Variants in RRH observed in about 807,000 individuals in gnomAD.
The protein encoded by RRH is retinal pigment epithelium-derived rhodopsin homolog.
RRH carries 36 observed loss-of-function variants against 33.1 expected under a neutral mutation model. The observed-to-expected ratio is 1.09, with a 90% CI of 0.83 to 1.44. The LOEUF is 1.44. Ranked by LOEUF, RRH falls within the 40% of genes most tolerant of loss-of-function variation. The pLI is 0.00. For synonymous variants in RRH, 124 were observed against 140.2 expected, an observed-to-expected ratio of 0.88 and a Z score of 0.82; for missense variants, 393 against 420.2, an observed-to-expected ratio of 0.94 and a Z score of 0.57.
Position 109,828,093 on chromosome 4 carries a change from G to C in RRH, c.66G>C (p.Gln22His). 1.9e-6 allele frequency: 3 copies of C among 1,612,470 alleles called. No individual in the cohort carries two copies. The highest frequency in any genetic ancestry group is 2.5e-6 in the Non-Finnish European group (3 of 1,178,726). ...SKNEDGSVFSQTEHNIVATYL... is the reference protein window; with the variant it reads ...SKNEDGSVFSHTEHNIVATYL... ...ATGAAGATGGCTCGGTCTTTTCACA[G>C]ACTGAACACAATATTGTTGCAACTT... The change falls in exon 1 of 7, where the codon CAG (glutamine) becomes CAC (histidine). Residue 22 changes from glutamine (Q) to histidine (H), a missense_variant. Gln to His is a conservative substitution (Grantham distance 24). Coordinates refer to ENST00000317735, the MANE Select transcript of RRH (RefSeq NM_006583.5).
chr4:109,840,132 AT>A (rs923866561), intron 5 of RRH, among the ~76,000 whole-genome samples: 6 of 151,742 alleles, frequency 4.0e-5, no homozygotes, highest in Non-Finnish European at 8.8e-5. Context: ...AGCATCTGTT[AT>A]TTTTTGACTT....
rs546777338 is a variant in RRH at position 109,844,303 on chromosome 4, A to G, written c.*106A>G. On this transcript the variant is annotated 3_prime_UTR_variant, in exon 7 of 7. Coordinates refer to ENST00000317735, the MANE Select transcript of RRH (RefSeq NM_006583.5). Reference sequence around the variant, plus strand: ...AAGTGCAGACATGGATCATTGTCCTATGAGAGTGTAAGCTCCTCAAGCACA... The same window carrying G: ...AAGTGCAGACATGGATCATTGTCCTGTGAGAGTGTAAGCTCCTCAAGCACA... 1.6e-5 allele frequency: 12 copies of G among 747,086 alleles called. 1 individual carries two copies. Among genetic ancestry groups the G allele is most frequent in the South Asian group, 1.6e-4 (11 of 69,666 alleles). The allele number at this position is 747,086 out of a possible 1,614,324, so 46.3% of individuals were successfully genotyped here.
intron 2 of RRH, among the ~76,000 whole-genome samples, chr4:109,834,509 TA>T (rs1206707363): frequency 6.7e-5 from 6 of 89,130 alleles, no homozygotes; most frequent in Admixed American, 2.1e-4. Context: ...TTTTTTTTTG[TA>T]TTTTTTTTTT....
rs775949316 is a variant in RRH at position 109,833,193 on chromosome 4, A to G, written c.161A>G (p.Lys54Arg). ...IIVLGIFIKY[K>R]ELRTPTNAII... The stretch of plus-strand genomic sequence containing the variant: ...GTTCTGGGCATCTTCATTAAGTACA[A>G]GGAACTTCGGACACCCACAAATGCA... The change falls in exon 2 of 7, where the codon AAG becomes AGG. Residue 54 changes from lysine to arginine, a missense_variant. Physicochemically the swap from Lys to Arg is conservative, Grantham distance 26. Transcript: ENST00000317735. 6 of 1,613,976 alleles carry G rather than the reference A, an allele frequency of 3.7e-6. No homozygotes were observed. Among genetic ancestry groups the G allele is most frequent in the Admixed American group, 1.7e-5 (1 of 60,024 alleles).
Position 109,836,131 on chromosome 4 carries a change from G to A in RRH, c.522G>A (p.Thr174=), listed in dbSNP as rs61744555. ...ASYAPDPTGA[T]CTINWRKNDR... The stretch of plus-strand genomic sequence containing the variant: ...ATGCCCCAGATCCTACTGGTGCTAC[G>A]TGTACCATAAACTGGAGGAAAAATG... Residue 174 remains threonine, a synonymous_variant, in exon 4 of 7, where the codon ACG becomes ACA. Coordinates refer to ENST00000317735, the MANE Select transcript of RRH (RefSeq NM_006583.5). 0.045 allele frequency: 71,945 copies of A among 1,613,842 alleles called. 4,703 individuals are homozygous for A. Among genetic ancestry groups the A allele is most frequent in the Admixed American group, 0.24 (14,441 of 59,992 alleles).
rs553143999 is a variant in RRH, at chr4:109,844,176, A to G, written c.993A>G (p.Pro331=). ...TACCCATGGATGTATCTCAAAACCC[A>G]TTGGCTTCTGGAAGAATCTGAAATA... ...SILPMDVSQN[P]LASGRI is the part of the protein sequence containing the mutation. Residue 331 remains proline (P), a synonymous_variant, in exon 7 of 7, where the codon CCA becomes CCG. Transcript: ENST00000317735. The G allele has an allele frequency of 9.3e-6, 15 of 1,610,600 alleles. No homozygotes were observed. In the East Asian group the frequency reaches 3.1e-4, roughly 34 times the overall value.
intron 5 of RRH, among the ~76,000 whole-genome samples, chr4:109,841,150 C>T (rs1406792180): frequency 6.6e-6 from 1 of 151,942 alleles, no homozygotes; most frequent in Non-Finnish European, 1.5e-5. Flanking sequence ...TTATATTTTT[C>T]ATGTTGCTCC....
At chr4:109,837,707 C>A in intron 5 of RRH, 102 bp downstream of exon 5, 1 of 810,550 alleles carries the variant, frequency 1.2e-6, no homozygotes, top group South Asian at 1.4e-5. Context: ...CCCTCATCTC[C>A]AATTCTCACT....
chr4:109,834,647 A>C (rs201719024), intron 2 of RRH, among the ~76,000 whole-genome samples: 1 of 148,982 alleles, frequency 6.7e-6, no homozygotes. Flanking sequence ...CCGGACCCCC[A>C]TTTTTTTTTC....
chr4:109,832,347 C>T (rs1020913302), intron 1 of RRH, among the ~76,000 whole-genome samples: 3 of 151,112 alleles, frequency 2.0e-5, no homozygotes, highest in African/African-American at 7.3e-5. Context: ...CAATCTGGGG[C>T]ACTGACAACA....
chr4:109,836,898 A>G (rs1484325569), intron 4 of RRH, among the ~76,000 whole-genome samples: 1 of 149,278 alleles, frequency 6.7e-6, no homozygotes, highest in African/African-American at 2.5e-5. Flanking sequence ...CTACAAAAAA[A>G]AAAAAAAAAA....
At chr4:109,835,012 T>C (rs906172170) in intron 2 of RRH, among the ~76,000 whole-genome samples, 10 of 152,204 alleles carry the variant, frequency 6.6e-5, no homozygotes. Flanking sequence ...GTTCATCATC[T>C]GGCCATTTTT....
At position 109,836,105 on chromosome 4, in the gene RRH, T is replaced by C. The variant is rs558503199; in HGVS notation, c.496T>C (p.Tyr166His). Residue 166 changes from tyrosine (Y) to histidine (H), a missense_variant, in exon 4 of 7, where the codon TAT becomes CAT. Transcript: ENST00000317735. ...ALMPIIGWAS[Y>H]APDPTGATCT... The stretch of plus-strand genomic sequence containing the variant: ...GATGCCTATCATAGGGTGGGCTAGT[T>C]ATGCCCCAGATCCTACTGGTGCTAC... The C allele has an allele frequency of 6.2e-7, 1 of 1,614,140 alleles. No homozygotes were observed. Among genetic ancestry groups the C allele is most frequent in the South Asian group, 1.1e-5 (1 of 91,084 alleles).
chr4:109,836,891 C>CAAAAAAA (rs56989659), intron 4 of RRH, among the ~76,000 whole-genome samples: 6 of 84,408 alleles, frequency 7.1e-5, no homozygotes, highest in African/African-American at 3.0e-4. Context: ...CCTGTCTCTA[C>CAAAAAAA]AAAAAAAAAA....
intron 5 of RRH, among the ~76,000 whole-genome samples, chr4:109,837,934 C>T (rs888458010): frequency 6.6e-6 from 1 of 152,150 alleles, no homozygotes; most frequent in African/African-American, 2.4e-5. Flanking sequence ...TGCTGCCACA[C>T]TTGGCTAATT....
At chr4:109,832,050 A>G (rs1240270435) in intron 1 of RRH, among the ~76,000 whole-genome samples, 1 of 151,676 alleles carries the variant, frequency 6.6e-6, no homozygotes, top group South Asian at 2.1e-4. Context: ...TCACCAAGTA[A>G]TTCTTTTCTT....
intron 2 of RRH, among the ~76,000 whole-genome samples, chr4:109,834,561 T>C (rs1430199748): frequency 6.7e-6 from 1 of 150,300 alleles, no homozygotes; most frequent in East Asian, 2.0e-4. Flanking sequence ...GCCAGGATGG[T>C]CTCGATCTCC....
At chr4:109,834,777 A>C (rs552532004) in intron 2 of RRH, among the ~76,000 whole-genome samples, 2 of 152,300 alleles carry the variant, frequency 1.3e-5, no homozygotes, top group East Asian at 3.9e-4. Flanking sequence ...TTCATCTTCA[A>C]CTTTATCAGA....
At chr4:109,829,874 T>G (rs1733714246) in intron 1 of RRH, among the ~76,000 whole-genome samples, 1 of 152,168 alleles carries the variant, frequency 6.6e-6, no homozygotes, top group African/African-American at 2.4e-5. Context: ...CTCTTTATGC[T>G]TTTGTTCTGC....
Sources: allele counts gnomAD v4.1 joint callset (sites outside exome capture counted in the v4.1 genomes callset), GRCh38; gene constraint gnomAD v4.1.1; transcripts MANE v1.5; gene names NCBI Gene and HGNC (gene_info 2026-07-23, HGNC 2026-07-21).